FRMD5: variants seen among roughly 807,000 people sequenced by gnomAD.
FRMD5 encodes FERM domain-containing protein 5.
In FRMD5, 20 loss-of-function variants were observed where a neutral mutation model predicts 69.0. The ratio of observed to expected loss-of-function variants is 0.29; its 90% CI spans 0.20 to 0.42. FRMD5 has a LOEUF of 0.42. FRMD5 is among the 10% of genes least tolerant of loss of function. The probability of loss-of-function intolerance (pLI) is 1.00; values close to 1 mark genes in which losing one functional copy is unlikely to be tolerated. For synonymous variants in FRMD5, 271 were observed against 260.1 expected (o/e 1.04, Z -0.40); for missense variants, 595 against 708.6 (o/e 0.84, Z 1.82).
chr15:43,937,657 A>T (rs1345043437), intron 1 of FRMD5, among the ~76,000 whole-genome samples: 1 of 151,596 alleles, frequency 6.6e-6, no homozygotes, highest in African/African-American at 2.4e-5. Flanking sequence ...AAAAAAAAAA[A>T]AAAAAAGTGC....
At chr15:43,877,156 G>A (rs903670972) in intron 13 of FRMD5, among the ~76,000 whole-genome samples, 1 of 152,182 alleles carries the variant, frequency 6.6e-6, no homozygotes, top group East Asian at 1.9e-4. Flanking sequence ...GGTGATGCTG[G>A]TGTGGTTCTC....
intron 1 of FRMD5, among the ~76,000 whole-genome samples, chr15:44,074,093 T>G (rs947207726): frequency 6.6e-6 from 1 of 152,168 alleles, no homozygotes; most frequent in Admixed American, 6.5e-5. Flanking sequence ...AATCAATTAG[T>G]TTGGCTTTGC....
chr15:44,047,820 G>A (rs1041763496), intron 1 of FRMD5, among the ~76,000 whole-genome samples: 2 of 152,116 alleles, frequency 1.3e-5, no homozygotes, highest in Non-Finnish European at 2.9e-5. Context: ...GGAATCATAC[G>A]ACTTGTGGCC....
chr15:44,166,943 T>C (rs988625914), intron 1 of FRMD5, among the ~76,000 whole-genome samples: 1 of 152,172 alleles, frequency 6.6e-6, no homozygotes, highest in Non-Finnish European at 1.5e-5. Context: ...TCAGTATGTC[T>C]GAAAGTCAGT....
chr15:43,957,367 T>C (rs2090131234), intron 1 of FRMD5, among the ~76,000 whole-genome samples: 1 of 152,184 alleles, frequency 6.6e-6, no homozygotes, highest in African/African-American at 2.4e-5. Flanking sequence ...GACTAATTTT[T>C]TGTATTTTTA....
intron 1 of FRMD5, among the ~76,000 whole-genome samples, chr15:44,190,192 T>C (rs1595574082): frequency 1.3e-5 from 2 of 152,036 alleles, no homozygotes; most frequent in African/African-American, 2.4e-5. Flanking sequence ...ACTCGCAGAG[T>C]CAGACAGGAT....
At chr15:43,977,423 C>T (rs188858408) in intron 1 of FRMD5, among the ~76,000 whole-genome samples, 120 of 152,272 alleles carry the variant, frequency 7.9e-4, no homozygotes, top group South Asian at 3.9e-3. Context: ...TCTTTGACTA[C>T]TTCCTGCTCA....
At chr15:43,971,833 A>G (rs1214688061) in intron 1 of FRMD5, among the ~76,000 whole-genome samples, 1 of 148,842 alleles carries the variant, frequency 6.7e-6, no homozygotes, top group African/African-American at 2.4e-5. Context: ...CAGCCTCCCG[A>G]GTAGCTGGGA....
At chr15:44,063,902 T>C (rs1188021664) in intron 1 of FRMD5, 5 of 277,186 alleles carry the variant, frequency 1.8e-5, no homozygotes, top group Non-Finnish European at 3.5e-5. Context: ...GTCCCCATGT[T>C]TGTAATGGGT....
At chr15:44,019,079 G>A (rs1232918135) in intron 1 of FRMD5, among the ~76,000 whole-genome samples, 1 of 152,030 alleles carries the variant, frequency 6.6e-6, no homozygotes, top group Admixed American at 6.6e-5. Context: ...ATTTTTAGTA[G>A]AGACGGAGTT....
intron 1 of FRMD5, among the ~76,000 whole-genome samples, chr15:43,982,483 C>A (rs993810714): frequency 2.0e-5 from 3 of 152,280 alleles, no homozygotes; most frequent in South Asian, 2.1e-4. Context: ...CAGATAAAGG[C>A]AGTCCTGATC....
At chr15:44,185,793 T>TAA (rs112329664) in intron 1 of FRMD5, among the ~76,000 whole-genome samples, 15 of 144,618 alleles carry the variant, frequency 1.0e-4, no homozygotes, top group African/African-American at 3.3e-4. Context: ...ACTCTTATCT[T>TAA]AAAAAAAAAA....
chr15:43,874,495 G>T, intron 13 of FRMD5, 33 bp from the exon 14 acceptor site: 1 of 1,539,748 alleles, frequency 6.5e-7, no homozygotes, highest in Non-Finnish European at 9.0e-7. Flanking sequence ...AGTAGGCTGT[G>T]TCCCAATGCA....
chr15:44,132,950 A>T (rs2077125008), intron 1 of FRMD5, among the ~76,000 whole-genome samples: 1 of 151,734 alleles, frequency 6.6e-6, no homozygotes, highest in Admixed American at 6.6e-5. Context: ...TTTAGTAGAG[A>T]TGGGGTTTCA....
chr15:44,026,010 C>T (rs1414955123), intron 1 of FRMD5, among the ~76,000 whole-genome samples: 1 of 152,184 alleles, frequency 6.6e-6, no homozygotes, highest in African/African-American at 2.4e-5. Flanking sequence ...CAGAGTCTCA[C>T]TCTGTCACCC....
intron 1 of FRMD5, among the ~76,000 whole-genome samples, chr15:43,951,624 T>C (rs990811015): frequency 6.6e-6 from 1 of 152,116 alleles, no homozygotes; most frequent in Non-Finnish European, 1.5e-5. Context: ...CCAGATAATA[T>C]GTGTGAAAGT....
chr15:44,061,421 T>A (rs1893082848), intron 1 of FRMD5, among the ~76,000 whole-genome samples: 1 of 152,168 alleles, frequency 6.6e-6, no homozygotes, highest in Non-Finnish European at 1.5e-5. Context: ...AGTGTAGGGT[T>A]CTCCCAAGCT....
At chr15:44,150,046 T>C (rs2077418979) in intron 1 of FRMD5, among the ~76,000 whole-genome samples, 1 of 151,802 alleles carries the variant, frequency 6.6e-6, no homozygotes, top group Non-Finnish European at 1.5e-5. Context: ...ACTAACAGAA[T>C]GGAGGAAGGA....
intron 2 of FRMD5, 31 bp downstream of exon 2, chr15:43,924,174 T>TCC: frequency 6.7e-7 from 1 of 1,492,300 alleles, no homozygotes; most frequent in Non-Finnish European, 9.4e-7. Context: ...ACTAGCCCTG[T>TCC]CCTCCTTTTG....
Sources: allele counts gnomAD v4.1 joint callset (sites outside exome capture counted in the v4.1 genomes callset), GRCh38; gene constraint gnomAD v4.1.1; transcripts MANE v1.5; gene names NCBI Gene and HGNC (gene_info 2026-07-23, HGNC 2026-07-21).